The following LOC400499 variants were observed in gnomAD, a reference collection of about 807,000 sequenced individuals.
chr16:11,517,722 C>T, the LOC400499 span, among the ~76,000 whole-genome samples: 64 of 152,292 alleles, frequency 4.2e-4, 1 homozygote, highest in South Asian at 0.012. Context: ...GTGCTCCTCC[C>T]GCCTGCCCTT....
chr16:11,392,922 C>T, the LOC400499 span: 7 of 476,632 alleles, frequency 1.5e-5, no homozygotes, highest in African/African-American at 2.1e-5. Context: ...GACACGATCT[C>T]GGCTCACTGC....
chr16:11,481,044 C>T, the LOC400499 span, among the ~76,000 whole-genome samples: 2 of 152,320 alleles, frequency 1.3e-5, no homozygotes, highest in African/African-American at 4.8e-5. Context: ...TACTGAGCTA[C>T]GCTACAATGT....
chr16:11,413,074 G>A, the LOC400499 span: 4 of 396,160 alleles, frequency 1.0e-5, no homozygotes, highest in Non-Finnish European at 1.8e-5. Flanking sequence ...AGCCCAGCAT[G>A]GCCTGGCTCA....
chr16:11,515,318 G>T, the LOC400499 span, among the ~76,000 whole-genome samples: 2 of 151,790 alleles, frequency 1.3e-5, no homozygotes, highest in Non-Finnish European at 2.9e-5. Context: ...ACCAGGAATG[G>T]TGCCTTGTGC....
the LOC400499 span, among the ~76,000 whole-genome samples, chr16:11,374,236 G>A: frequency 6.6e-6 from 1 of 152,034 alleles, no homozygotes; most frequent in African/African-American, 2.4e-5. Flanking sequence ...CCTTAAGAGT[G>A]TTTGGTTTTA....
the LOC400499 span, among the ~76,000 whole-genome samples, chr16:11,435,108 T>A: frequency 2.0e-4 from 31 of 151,790 alleles, no homozygotes; most frequent in South Asian, 4.8e-3. Flanking sequence ...GCCTCCCAAG[T>A]AGCTGGGACT....
chr16:11,422,755 G>A, the LOC400499 span, among the ~76,000 whole-genome samples: 2 of 152,292 alleles, frequency 1.3e-5, no homozygotes, highest in Admixed American at 1.3e-4. Context: ...GAAAGGCATT[G>A]TGCTTCCTGC....
the LOC400499 span, among the ~76,000 whole-genome samples, chr16:11,524,068 A>C: frequency 2.2e-5 from 1 of 45,452 alleles, no homozygotes. Flanking sequence ...CCTCCCATCC[A>C]TCCACCCACC....
chr16:11,429,041 C>A, the LOC400499 span, among the ~76,000 whole-genome samples: 1 of 152,040 alleles, frequency 6.6e-6, no homozygotes, highest in South Asian at 2.1e-4. Flanking sequence ...AAATAAGAAT[C>A]CATGAGTCCC....
chr16:11,395,467 G>A, the LOC400499 span, among the ~76,000 whole-genome samples: 1 of 152,208 alleles, frequency 6.6e-6, no homozygotes, highest in African/African-American at 2.4e-5. Flanking sequence ...GGCAGGCAGG[G>A]GCCTGGCTGG....
At chr16:11,496,080 T>TC in the LOC400499 span, among the ~76,000 whole-genome samples, 1 of 151,244 alleles carries the variant, frequency 6.6e-6, no homozygotes, top group Non-Finnish European at 1.5e-5. Context: ...TTTTTTTTTT[T>TC]CTCGAGATGG....
At chr16:11,376,642 CTTT>C in the LOC400499 span, among the ~76,000 whole-genome samples, 2 of 152,096 alleles carry the variant, frequency 1.3e-5, no homozygotes, top group Admixed American at 1.3e-4. Flanking sequence ...CAAATTTGTT[CTTT>C]GTTTTCAAGA....
the LOC400499 span, among the ~76,000 whole-genome samples, chr16:11,511,473 T>C: frequency 6.6e-6 from 1 of 152,094 alleles, no homozygotes; most frequent in Non-Finnish European, 1.5e-5. Flanking sequence ...AGTGAAAATA[T>C]GAAAAAATTC....
the LOC400499 span, chr16:11,449,039 G>A: frequency 8.7e-6 from 13 of 1,494,040 alleles, no homozygotes; most frequent in Middle Eastern, 1.7e-4. Context: ...GCACTGCTGC[G>A]TTCCAGGCTG....
the LOC400499 span, among the ~76,000 whole-genome samples, chr16:11,463,115 GC>G: frequency 1.3e-5 from 2 of 152,182 alleles, no homozygotes; most frequent in African/African-American, 4.8e-5. Context: ...TGCAGACCTG[GC>G]CATGGGAAGA....
the LOC400499 span, among the ~76,000 whole-genome samples, chr16:11,455,003 A>G: frequency 6.6e-6 from 1 of 152,256 alleles, no homozygotes; most frequent in Non-Finnish European, 1.5e-5. Context: ...ATTGAAGTCA[A>G]TGAACAATCT....
chr16:11,466,919 T>C, the LOC400499 span, among the ~76,000 whole-genome samples: 2 of 128,618 alleles, frequency 1.6e-5, no homozygotes, highest in African/African-American at 2.5e-5. Context: ...CGTATATGTG[T>C]ATTGTGTGTG....
chr16:11,415,576 C>T, the LOC400499 span, among the ~76,000 whole-genome samples: 1 of 152,196 alleles, frequency 6.6e-6, no homozygotes, highest in African/African-American at 2.4e-5. Flanking sequence ...AACATTCAGC[C>T]ACATGTACCT....
At chr16:11,499,328 GA>G in the LOC400499 span, among the ~76,000 whole-genome samples, 61 of 101,620 alleles carry the variant, frequency 6.0e-4, 1 homozygote, top group African/African-American at 2.2e-3. Context: ...GGAGAGGGGA[GA>G]GGGGGAAGGG....
Sources: gnomAD v4.1 joint callset for allele counts (sites outside exome capture counted in the v4.1 genomes callset) on GRCh38, gnomAD v4.1.1 for gene constraint, MANE v1.5 for transcripts.